Variants in ACOT1 observed in about 807,000 individuals in gnomAD.
ACOT1 encodes the protein acyl-CoA thioesterase 1.
A neutral mutation model predicts 15.7 loss-of-function variants in ACOT1; 8 were observed. The observed-to-expected ratio is 0.51, with a 90% confidence interval of 0.30 to 0.92. The LOEUF is 0.92. ACOT1 is among the 40% of genes least tolerant of loss of function. The pLI, the probability that ACOT1 is intolerant of heterozygous loss-of-function variation, is 0.06. For missense variants in ACOT1, 151 were observed against 539.4 expected (o/e 0.28, Z 7.13); for synonymous variants, 67 against 241.2 (o/e 0.28, Z 6.69).
chr14:73,506,853 T>G, the ACOT1 span, among the ~76,000 whole-genome samples: 3 of 132,434 alleles, frequency 2.3e-5, no homozygotes, highest in Non-Finnish European at 4.6e-5. Context: ...CAGGCTGGAG[T>G]GCAGTGGCAC....
At chr14:73,524,456 T>C in the ACOT1 span, among the ~76,000 whole-genome samples, 2 of 150,936 alleles carry the variant, frequency 1.3e-5, no homozygotes, top group Non-Finnish European at 2.9e-5. Context: ...AATGCTTAGA[T>C]TTAATGTTAG....
At chr14:73,524,310 AATAT>A in the ACOT1 span, among the ~76,000 whole-genome samples, 155 of 54,764 alleles carry the variant, frequency 2.8e-3, no homozygotes, top group African/African-American at 3.3e-3. Flanking sequence ...AAAAAAAAAA[AATAT>A]ATATATATAT....
At chr14:73,513,179 C>G in the ACOT1 span, among the ~76,000 whole-genome samples, 4 of 152,232 alleles carry the variant, frequency 2.6e-5, no homozygotes, top group Non-Finnish European at 5.9e-5. Flanking sequence ...ATAGGGTCGC[C>G]TGGGTGCAGT....
chr14:73,491,214 C>A, the ACOT1 span: 2 of 1,591,420 alleles, frequency 1.3e-6, no homozygotes, highest in Non-Finnish European at 1.7e-6. Context: ...TCGGAGGAAT[C>A]GAGGGTGGAG....
At chr14:73,503,967 G>A in the ACOT1 span, among the ~76,000 whole-genome samples, 6 of 152,058 alleles carry the variant, frequency 3.9e-5, no homozygotes, top group African/African-American at 1.4e-4. Context: ...TCAATTCTAA[G>A]TGACAAGTGC....
the ACOT1 span, chr14:73,492,368 C>A: frequency 6.2e-7 from 1 of 1,613,808 alleles, no homozygotes; most frequent in Non-Finnish European, 8.5e-7. The surrounding 1 kb of genome is among the most constrained non-coding windows in gnomAD (Gnocchi z 4.9). Flanking sequence ...TGTGGAGTTT[C>A]GGAGGGGTCT....
chr14:73,503,039 A>G, the ACOT1 span: 1 of 1,502,982 alleles, frequency 6.7e-7, no homozygotes, highest in South Asian at 1.1e-5. Flanking sequence ...ATCATTAGGT[A>G]TCATCACTTA....
the ACOT1 span, among the ~76,000 whole-genome samples, chr14:73,501,731 C>T: frequency 6.6e-6 from 1 of 151,714 alleles, no homozygotes; most frequent in African/African-American, 2.4e-5. Flanking sequence ...TACACCACCA[C>T]ACTGGCTAAC....
the ACOT1 span, among the ~76,000 whole-genome samples, chr14:73,525,739 A>G: frequency 6.6e-6 from 1 of 152,112 alleles, no homozygotes; most frequent in African/African-American, 2.4e-5. Context: ...AATCACTTGA[A>G]GTCAAGAGTT....
At chr14:73,509,358 T>G in the ACOT1 span, 1 of 1,614,148 alleles carries the variant, frequency 6.2e-7, no homozygotes, top group Non-Finnish European at 8.5e-7. Context: ...GGGGATTATG[T>G]GACTGTATGG....
At chr14:73,523,832 C>G in the ACOT1 span, among the ~76,000 whole-genome samples, 2 of 152,162 alleles carry the variant, frequency 1.3e-5, no homozygotes, top group Non-Finnish European at 2.9e-5. Flanking sequence ...TTATAAATTC[C>G]TCCTGGTCTG....
At chr14:73,536,513 CT>C (rs1269390598), upstream of ACOT1, among the ~76,000 whole-genome samples, 1 of 54,602 alleles carries the variant, frequency 1.8e-5, no homozygotes, top group South Asian at 8.3e-4. Flanking sequence ...GACCCTGTCT[CT>C]TTAAAAAAAA....
the ACOT1 span, among the ~76,000 whole-genome samples, chr14:73,506,804 G>GTTTTTTTTTTTTTTTGTT: frequency 1.2e-5 from 1 of 80,522 alleles, no homozygotes; most frequent in African/African-American, 4.9e-5. Flanking sequence ...GACTTTAACT[G>GTTTTTTTTTTTTTTTGTT]TTTTTTTTTT....
the ACOT1 span, chr14:73,500,758 A>T: frequency 3.7e-6 from 6 of 1,600,354 alleles, no homozygotes; most frequent in Non-Finnish European, 4.3e-6. Flanking sequence ...CTTTCCTTTC[A>T]CCTCCTTAAA....
the ACOT1 span, among the ~76,000 whole-genome samples, chr14:73,527,048 T>C: frequency 1.3e-5 from 2 of 152,094 alleles, no homozygotes; most frequent in African/African-American, 4.8e-5. Context: ...TACAGGAGTA[T>C]CCAGGAGTTG....
chr14:73,530,778 C>T, the ACOT1 span, among the ~76,000 whole-genome samples: 6 of 110,152 alleles, frequency 5.4e-5, no homozygotes, highest in Admixed American at 2.1e-4. Flanking sequence ...GCACATAGCA[C>T]ACCACTCTCG....
chr14:73,522,307 C>A, the ACOT1 span: 2 of 1,614,004 alleles, frequency 1.2e-6, no homozygotes, highest in Non-Finnish European at 1.7e-6. Context: ...CTGGCTTCTT[C>A]TTTTCCTGTG....
At chr14:73,513,002 A>G in the ACOT1 span, among the ~76,000 whole-genome samples, 28 of 152,202 alleles carry the variant, frequency 1.8e-4, no homozygotes, top group African/African-American at 6.3e-4. Context: ...CTACTCTCCT[A>G]TCTTTGAAGG....
At chr14:73,527,840 A>G in the ACOT1 span, among the ~76,000 whole-genome samples, 1 of 150,876 alleles carries the variant, frequency 6.6e-6, no homozygotes, top group Non-Finnish European at 1.5e-5. Flanking sequence ...TTAGCCAGTC[A>G]TGGTGGCAGG....
Sources: allele counts gnomAD v4.1 joint callset (sites outside exome capture counted in the v4.1 genomes callset), GRCh38; gene constraint gnomAD v4.1.1; non-coding constraint Gnocchi (gnomAD v3.1); transcripts MANE v1.5; gene names NCBI Gene and HGNC (gene_info 2026-07-23, HGNC 2026-07-21).